The following MCCC2 variants were observed in gnomAD, a reference collection of about 807,000 sequenced individuals.
MCCC2 encodes methylcrotonyl-CoA carboxylase subunit 2.
Under a neutral mutation model 77.2 loss-of-function variants are expected in MCCC2, and 52 were observed. That is an observed-to-expected ratio of 0.67 (90% CI 0.54 to 0.85). The LOEUF (loss-of-function observed/expected upper bound fraction) is 0.85. MCCC2 is among the 40% of genes least tolerant of loss of function. MCCC2 has a pLI of 0.00. For missense variants in MCCC2, 682 were observed against 703.2 expected (o/e 0.97, Z 0.34); for synonymous variants, 253 against 248.4 (o/e 1.02, Z -0.18).
At chr5:71,639,214 A>G (rs1016501512) in intron 10 of MCCC2, among the ~76,000 whole-genome samples, 1 of 152,192 alleles carries the variant, frequency 6.6e-6, no homozygotes, top group Non-Finnish European at 1.5e-5. Flanking sequence ...ACCTCTCCCC[A>G]GCTATGAAAG....
At chr5:71,642,006 T>C (rs1425707246) in intron 11 of MCCC2, among the ~76,000 whole-genome samples, 2 of 152,236 alleles carry the variant, frequency 1.3e-5, no homozygotes, top group Non-Finnish European at 2.9e-5. Context: ...GTAACAGTCA[T>C]TGTGTAGCAG....
At chr5:71,610,620 T>C (rs904711289) in intron 6 of MCCC2, among the ~76,000 whole-genome samples, 1 of 152,232 alleles carries the variant, frequency 6.6e-6, no homozygotes, top group East Asian at 1.9e-4. Context: ...CCACAGAGAG[T>C]ATCTAAAGGT....
At chr5:71,606,224 ATTTG>A (rs1450584260) in intron 6 of MCCC2, among the ~76,000 whole-genome samples, 2 of 149,226 alleles carry the variant, frequency 1.3e-5, no homozygotes, top group South Asian at 2.2e-4. Context: ...ATGTTCTTCC[ATTTG>A]TTTGTATCCT....
At chr5:71,592,202 G>A (rs1399224095) in intron 1 of MCCC2, among the ~76,000 whole-genome samples, 1 of 152,118 alleles carries the variant, frequency 6.6e-6, no homozygotes, top group Non-Finnish European at 1.5e-5. Flanking sequence ...CCAACATGGC[G>A]AAACCCGGTC....
intron 2 of MCCC2, among the ~76,000 whole-genome samples, chr5:71,594,624 G>A (rs115702156): frequency 0.025 from 3,782 of 151,952 alleles, 72 homozygotes; most frequent in South Asian, 0.073. Flanking sequence ...CTGAGGAACC[G>A]TGGTGCAGGC....
intron 10 of MCCC2, 66 bp downstream of exon 10, chr5:71,635,312 G>A (rs746878498): frequency 4.3e-6 from 6 of 1,411,076 alleles, no homozygotes; most frequent in Non-Finnish European, 5.0e-6. Context: ...GTATCTATTT[G>A]CAAAGCTAAA....
intron 10 of MCCC2, chr5:71,636,179 G>T (rs996927167): frequency 5.6e-6 from 2 of 355,732 alleles, no homozygotes; most frequent in Non-Finnish European, 1.2e-5. Context: ...TAAGTAGTCA[G>T]TAACTATTTT....
chr5:71,652,791 C>A (rs138725621), intron 16 of MCCC2, 37 bp downstream of exon 16: 31 of 1,550,326 alleles, frequency 2.0e-5, no homozygotes, highest in Non-Finnish European at 2.8e-5. Context: ...CTGATGGGTG[C>A]AGATGGCAGT....
intron 8 of MCCC2, among the ~76,000 whole-genome samples, chr5:71,633,125 A>ATTTTTTT (rs1398247533): frequency 0.023 from 980 of 42,766 alleles, 35 homozygotes; most frequent in Non-Finnish European, 0.037. Context: ...ATATATATAT[A>ATTTTTTT]TATATATTTT....
chr5:71,649,814 C>G lies in MCCC2; in HGVS notation c.1374-255C>G, dbSNP rs140070774. ...TGGAAAAAAGGACATGACTGTAGAT[C>G]ATGAGAGGATATTATGAACGCTTTT... On this transcript the variant is annotated intron_variant, in intron 14 of 16. Coordinates refer to ENST00000340941, the MANE Select transcript of MCCC2 (RefSeq NM_022132.5). 2.7e-4 allele frequency among the ~76,000 whole-genome samples: 41 copies of G among 152,292 alleles called. No homozygotes were observed. The East Asian group carries it at 7.5e-3, about 28-fold the overall frequency.
intron 1 of MCCC2, 98 bp downstream of exon 1, chr5:71,587,652 C>T: frequency 2.8e-6 from 4 of 1,444,454 alleles, no homozygotes; most frequent in South Asian, 2.5e-5. Flanking sequence ...TTGTCCGGAG[C>T]CCCAGTTGAT....
rs367554481 is a variant in MCCC2 at position 71,628,431 on chromosome 5, G to T, written c.738+1678G>T. On this transcript the variant is annotated intron_variant, in intron 7 of 16. Coordinates refer to ENST00000340941, the MANE Select transcript of MCCC2 (RefSeq NM_022132.5). ...TTTCCTTTGGTTTCTTGTGCTTTTGGTGTCTTATCCAAGAAGCCTTTGCCT... is the reference window on the plus strand; with the variant it reads ...TTTCCTTTGGTTTCTTGTGCTTTTGTTGTCTTATCCAAGAAGCCTTTGCCT... Among the ~76,000 whole-genome samples the T allele has an allele frequency of 6.6e-5, 10 of 152,144 alleles. No homozygotes were observed. In the South Asian group the frequency reaches 2.1e-3, roughly 32 times the overall value.
chr5:71,630,584 A>T (rs1746675883), intron 7 of MCCC2, among the ~76,000 whole-genome samples: 1 of 151,598 alleles, frequency 6.6e-6, no homozygotes, highest in Admixed American at 6.6e-5. Context: ...ATAATTTGTT[A>T]TTGTCTGGAC....
chr5:71,653,883 C>T (rs980475430), intron 16 of MCCC2, among the ~76,000 whole-genome samples: 9 of 150,122 alleles, frequency 6.0e-5, no homozygotes, highest in African/African-American at 2.2e-4. Context: ...AGTTAGAGTC[C>T]ATTACAATCA....
At position 71,652,708 on chromosome 5, in the gene MCCC2, A is replaced by G; in HGVS notation, c.1528A>G (p.Ile510Val). 1.9e-6 allele frequency: 3 copies of G among 1,614,198 alleles called. No homozygotes were observed. Among genetic ancestry groups the G allele is most frequent in the South Asian group, 1.1e-5 (1 of 91,082 alleles). ...ADEAALKEPIIKKFEEEGNPY... is the reference protein window; with the variant it reads ...ADEAALKEPIVKKFEEEGNPY... Reference sequence around the variant, plus strand: ...TGAAGCGGCTTTAAAAGAGCCCATCATTAAGAAGTTTGAAGAGGAAGGAAA... The same window carrying G: ...TGAAGCGGCTTTAAAAGAGCCCATCGTTAAGAAGTTTGAAGAGGAAGGAAA... The change falls in exon 16 of 17, where the codon ATT (isoleucine) becomes GTT (valine). Residue 510 changes from isoleucine to valine, a missense_variant. Physicochemically the swap from Ile to Val is conservative, Grantham distance 29. Transcript: ENST00000340941.
intron 6 of MCCC2, among the ~76,000 whole-genome samples, chr5:71,614,232 A>G (rs1746075783): frequency 6.6e-6 from 1 of 152,086 alleles, no homozygotes; most frequent in African/African-American, 2.4e-5. Context: ...TGATATCTGC[A>G]CTGAAGATGT....
At position 71,593,055 on chromosome 5, in the gene MCCC2, CT is replaced by C. The variant is rs1178078538; in HGVS notation, c.196+67del. The C allele has an allele frequency of 3.4e-5, 45 of 1,325,136 alleles. No individual in the cohort carries two copies. In the African/African-American group the frequency reaches 6.0e-4, roughly 18 times the overall value. The allele number at this position is 1,325,136 out of a possible 1,614,324, so 82.1% of individuals were successfully genotyped here. A position where few individuals can be genotyped will look rare whatever the true frequency, so the allele number is the denominator to read the frequency against. ...TTAAGATGTCCTAAAATAGTTATTG[CT>C]TTTAGGAAAAATACTGGAATTAAGC... On this transcript the variant is annotated intron_variant, in intron 2 of 16. Coordinates refer to ENST00000340941, the MANE Select transcript of MCCC2 (RefSeq NM_022132.5).
Position 71,656,819 on chromosome 5 carries a change from G to A in MCCC2, c.1651G>A (p.Ala551Thr), listed in dbSNP as rs780335341. 7.4e-6 allele frequency: 12 copies of A among 1,614,046 alleles called. No homozygotes were observed. The East Asian group carries it at 8.9e-5, about 12-fold the overall frequency. Residue 551 changes from alanine (A) to threonine (T), a missense_variant, in exon 17 of 17, where the codon GCA (alanine) becomes ACA (threonine). Coordinates refer to ENST00000340941, the MANE Select transcript of MCCC2 (RefSeq NM_022132.5). Reference sequence around the variant, plus strand: ...TCTCAGTTTTAGTGCAGCCCTCAACGCACCAATAGAGAAGACTGACTTCGG... The same window carrying A: ...TCTCAGTTTTAGTGCAGCCCTCAACACACCAATAGAGAAGACTGACTTCGG... ...LGLSFSAALN[A>T]PIEKTDFGIF...
At chr5:71,644,532 G>T (rs1747224831) in intron 12 of MCCC2, among the ~76,000 whole-genome samples, 1 of 151,698 alleles carries the variant, frequency 6.6e-6, no homozygotes. Flanking sequence ...ATATCTTTTG[G>T]CTTAGTTATT....
Sources: allele counts gnomAD v4.1 joint callset (sites outside exome capture counted in the v4.1 genomes callset), GRCh38; gene constraint gnomAD v4.1.1; transcripts MANE v1.5; gene names NCBI Gene and HGNC (gene_info 2026-07-23, HGNC 2026-07-21).